Variants in RANBP2 observed in about 807,000 individuals in gnomAD.
The protein encoded by RANBP2 is RAN binding protein 2.
In RANBP2, 57 loss-of-function variants were observed where a neutral mutation model predicts 303.6. The ratio of observed to expected loss-of-function variants is 0.19; its 90% confidence interval spans 0.15 to 0.23. The LOEUF (loss-of-function observed/expected upper bound fraction) is 0.23. RANBP2 is among the 10% of genes least tolerant of loss of function. The probability of loss-of-function intolerance (pLI) is 1.00; values close to 1 mark genes in which losing one functional copy is unlikely to be tolerated. For synonymous variants in RANBP2, 1,167 were observed against 1,301.5 expected (o/e 0.90, Z 2.23); for missense variants, 3,138 against 3,780.8 (o/e 0.83, Z 4.46).
the RANBP2 span, among the ~76,000 whole-genome samples, chr2:108,840,194 G>T: frequency 1.3e-5 from 2 of 151,924 alleles, no homozygotes; most frequent in African/African-American, 4.8e-5. Flanking sequence ...AACCCACTTG[G>T]TTGTGGTGTT....
At chr2:108,827,492 C>G in the RANBP2 span, among the ~76,000 whole-genome samples, 1 of 152,132 alleles carries the variant, frequency 6.6e-6, no homozygotes, top group Admixed American at 6.6e-5. Context: ...GACATCAGTT[C>G]TTACTAAATC....
the RANBP2 span, among the ~76,000 whole-genome samples, chr2:109,239,760 G>A: frequency 6.6e-6 from 1 of 152,200 alleles, no homozygotes; most frequent in Non-Finnish European, 1.5e-5. Flanking sequence ...AGGAGCTGGC[G>A]GCACTGCTGT....
chr2:109,490,821 G>C, the RANBP2 span: 1 of 1,536,990 alleles, frequency 6.5e-7, no homozygotes, highest in South Asian at 1.2e-5. Flanking sequence ...CATGGGGATG[G>C]AGCCTCTGCA....
the RANBP2 span, among the ~76,000 whole-genome samples, chr2:109,161,711 A>G: frequency 1.8e-3 from 275 of 151,998 alleles, 2 homozygotes; most frequent in African/African-American, 6.5e-3. Context: ...GGAAGCCGGG[A>G]GCAGGACATG....
chr2:108,909,650 C>A, the RANBP2 span, among the ~76,000 whole-genome samples: 1 of 152,332 alleles, frequency 6.6e-6, no homozygotes, highest in East Asian at 1.9e-4. Context: ...TGGCTGGGAG[C>A]TGATGCTGTG....
the RANBP2 span, among the ~76,000 whole-genome samples, chr2:109,306,618 A>G: frequency 6.6e-6 from 1 of 152,226 alleles, no homozygotes; most frequent in Admixed American, 6.5e-5. Flanking sequence ...ACCCACTGTT[A>G]TGCAAGTATC....
chr2:109,643,398 A>C, the RANBP2 span, among the ~76,000 whole-genome samples: 2 of 152,186 alleles, frequency 1.3e-5, no homozygotes, highest in Non-Finnish European at 2.9e-5. Context: ...AAGTCACAGG[A>C]TGACATAGGA....
At chr2:108,738,125 G>T (rs1695766087) in intron 6 of RANBP2, among the ~76,000 whole-genome samples, 2 of 151,588 alleles carry the variant, frequency 1.3e-5, no homozygotes, top group Non-Finnish European at 2.9e-5. Flanking sequence ...GCCCAGGCTG[G>T]AGTGCGGTGG....
rs1321133130 is a variant in RANBP2, at chr2:108,722,265, C to T, written c.72+2587C>T. Among the ~76,000 whole-genome samples the T allele has an allele frequency of 2.0e-5, 3 of 151,684 alleles. No homozygotes were observed. The East Asian group carries it at 5.8e-4, about 29-fold the overall frequency. ...CTCTTACACTTAGAGTCTTTTTTTT[C>T]CCCCAAATTTAAAGTCATTTACATT... On this transcript the variant is annotated intron_variant, in intron 1 of 28. Coordinates refer to ENST00000283195, the MANE Select transcript of RANBP2 (RefSeq NM_006267.5).
chr2:109,399,032 A>T, the RANBP2 span: 1 of 1,362,220 alleles, frequency 7.3e-7, no homozygotes, highest in Non-Finnish European at 9.9e-7. Flanking sequence ...TTCCTCAACT[A>T]GCATGGAGGC....
chr2:108,812,980 T>G, the RANBP2 span: 1 of 1,485,828 alleles, frequency 6.7e-7, no homozygotes, highest in African/African-American at 1.4e-5. Context: ...CTGGGTACGG[T>G]GGCTCACACC....
At chr2:109,561,211 C>T in the RANBP2 span, among the ~76,000 whole-genome samples, 6 of 152,234 alleles carry the variant, frequency 3.9e-5, no homozygotes, top group South Asian at 2.1e-4. Flanking sequence ...CGGAGTCTTA[C>T]AGATGCCATT....
chr2:109,090,970 C>T, the RANBP2 span, among the ~76,000 whole-genome samples: 3 of 152,056 alleles, frequency 2.0e-5, no homozygotes, highest in East Asian at 3.9e-4. Flanking sequence ...GAAAGCTGAT[C>T]GTTTTTATTT....
In RANBP2 at chr2:108,766,058, G is replaced by A. The variant is rs1677094251; in HGVS notation, c.5519G>A (p.Gly1840Glu). The change falls in exon 20 of 29, where the codon GGA (glycine) becomes GAA (glutamate). Residue 1840 changes from glycine to glutamate, a missense_variant. Physicochemically the swap from Gly to Glu is moderately conservative, Grantham distance 98 (BLOSUM62 -2). Coordinates refer to ENST00000283195, the MANE Select transcript of RANBP2 (RefSeq NM_006267.5). ...HDSSGSQVGTGFKSNFSEKAS... is the reference protein window; with the variant it reads ...HDSSGSQVGTEFKSNFSEKAS... ...TCTTCTGGAAGTCAGGTGGGAACAG[G>A]ATTTAAAAGTAATTTCTCAGAAAAA... 1 of 1,614,158 alleles carries A rather than the reference G, an allele frequency of 6.2e-7. No individual in the cohort carries two copies. Among genetic ancestry groups the A allele is most frequent in the African/African-American group, 1.3e-5 (1 of 75,056 alleles).
At chr2:109,529,566 G>A in the RANBP2 span, among the ~76,000 whole-genome samples, 47 of 152,330 alleles carry the variant, frequency 3.1e-4, no homozygotes, top group Middle Eastern at 3.4e-3. Context: ...AGGACACGTG[G>A]TAACAGCTGC....
the RANBP2 span, among the ~76,000 whole-genome samples, chr2:108,944,827 G>A: frequency 6.6e-6 from 1 of 152,160 alleles, no homozygotes; most frequent in Admixed American, 6.5e-5. Context: ...GACCGCAGAG[G>A]CCAAGCTTCT....
the RANBP2 span, among the ~76,000 whole-genome samples, chr2:109,035,498 C>T: frequency 6.6e-6 from 1 of 151,990 alleles, no homozygotes; most frequent in African/African-American, 2.4e-5. Flanking sequence ...CCCACCCCGC[C>T]CTTACCCTGG....
the RANBP2 span, among the ~76,000 whole-genome samples, chr2:109,066,073 G>A: frequency 6.6e-6 from 1 of 151,460 alleles, no homozygotes; most frequent in Non-Finnish European, 1.5e-5. Context: ...GAGTAGCTGG[G>A]ATTACAGGCA....
the RANBP2 span, among the ~76,000 whole-genome samples, chr2:109,763,441 CA>C: frequency 6.7e-6 from 1 of 150,138 alleles, no homozygotes; most frequent in Non-Finnish European, 1.5e-5. Context: ...GATCTGACTT[CA>C]AATCCAGTCA....
Sources: gnomAD v4.1 joint callset for allele counts (sites outside exome capture counted in the v4.1 genomes callset) on GRCh38, gnomAD v4.1.1 for gene constraint, MANE v1.5 for transcripts, NCBI Gene and HGNC (gene_info 2026-07-23, HGNC 2026-07-21) for gene names.